Variants in AK4 observed in about 807,000 individuals in gnomAD.
AK4 encodes the protein adenylate kinase 4.
A neutral mutation model predicts 24.6 loss-of-function variants in AK4; 13 were observed. That is an observed-to-expected ratio of 0.53 (90% CI 0.34 to 0.84). The LOEUF is 0.84. AK4 is among the 40% of genes least tolerant of loss of function. AK4 has a pLI of 0.01. For missense variants in AK4, 192 were observed against 288.2 expected, an observed-to-expected ratio of 0.67 and a Z score of 2.42; for synonymous variants, 88 against 107.0, an observed-to-expected ratio of 0.82 and a Z score of 1.10.
At chr1:65,185,873 C>A (rs1322633294) in intron 1 of AK4, among the ~76,000 whole-genome samples, 1 of 152,056 alleles carries the variant, frequency 6.6e-6, no homozygotes, top group East Asian at 1.9e-4. Flanking sequence ...CCTTGGCCTC[C>A]CAAAGTGCTG....
chr1:65,199,877 C>T (rs1651610341), intron 2 of AK4, among the ~76,000 whole-genome samples: 1 of 152,158 alleles, frequency 6.6e-6, no homozygotes, highest in Admixed American at 6.5e-5. Context: ...ATCAAGTTGG[C>T]ACTCAAAATT....
chr1:65,168,318 G>A (rs564860207), intron 1 of AK4, among the ~76,000 whole-genome samples: 3 of 151,992 alleles, frequency 2.0e-5, no homozygotes, highest in Admixed American at 2.0e-4. Context: ...AGCTAATTTT[G>A]TATTTTTAGT....
intron 2 of AK4, among the ~76,000 whole-genome samples, chr1:65,203,849 T>C (rs886933088): frequency 2.0e-5 from 3 of 152,010 alleles, no homozygotes; most frequent in South Asian, 4.2e-4. Context: ...CCTTGTGTAG[T>C]AATGTAAAAC....
intron 1 of AK4, among the ~76,000 whole-genome samples, chr1:65,157,759 A>G (rs986840121): frequency 1.3e-5 from 2 of 152,090 alleles, no homozygotes; most frequent in African/African-American, 4.8e-5. Flanking sequence ...ACTGCACTCC[A>G]GCCTGGGCAA....
chr1:65,191,248 C>T (rs559887329), intron 2 of AK4, among the ~76,000 whole-genome samples: 3 of 152,256 alleles, frequency 2.0e-5, no homozygotes, highest in South Asian at 2.1e-4. Flanking sequence ...GAAACAAATA[C>T]TGTTGAAAGT....
In AK4 at chr1:65,161,552, A is replaced by C. The variant is rs569694143; in HGVS notation, c.145+13000A>C. ...ATTTCTACTCTCATTGCTTCCATGA[A>C]GCCTTTCCACACCTGTTGCAGCTAC... On this transcript the variant is annotated intron_variant, in intron 1 of 4. Transcript: ENST00000327299. 2.0e-5 allele frequency among the ~76,000 whole-genome samples: 3 copies of C among 152,274 alleles called. No homozygotes were observed. In the East Asian group the frequency reaches 5.8e-4, roughly 29 times the overall value.
rs1652461818 is a variant in AK4, at chr1:65,226,346, C to T, written c.*169C>T. The T allele has an allele frequency of 2.3e-6, 2 of 859,936 alleles. No homozygotes were observed. The highest frequency in any genetic ancestry group is 2.7e-5 in the East Asian group (1 of 36,564). The allele number at this position is 859,936 out of a possible 1,614,324, so 53.3% of individuals were successfully genotyped here. A position where few individuals can be genotyped will look rare whatever the true frequency, so the allele number is the denominator to read the frequency against. ...TGAGTAGAAAGAGTTCATGAAGAGG[C>T]CCTCCTCTGCCTTTCAAAAGGCTGG... On this transcript the variant is annotated 3_prime_UTR_variant, in exon 5 of 5. Transcript: ENST00000327299.
At chr1:65,156,139 T>G (rs528054623) in intron 1 of AK4, among the ~76,000 whole-genome samples, 1 of 152,350 alleles carries the variant, frequency 6.6e-6, no homozygotes, top group African/African-American at 2.4e-5. Context: ...TAATTTGTTA[T>G]TCCATTTTTA....
At chr1:65,153,521 T>G (rs1649869972) in intron 1 of AK4, among the ~76,000 whole-genome samples, 1 of 152,166 alleles carries the variant, frequency 6.6e-6, no homozygotes, top group Non-Finnish European at 1.5e-5. Context: ...TCTGCCCGCC[T>G]CGGCCTCCCA....
At chr1:65,221,250 A>T (rs1002221389) in intron 3 of AK4, among the ~76,000 whole-genome samples, 3 of 152,174 alleles carry the variant, frequency 2.0e-5, no homozygotes, top group Non-Finnish European at 4.4e-5. Context: ...TGTTATTCAA[A>T]TGTGGAATAC....
chr1:65,210,174 A>G (rs10889527), intron 2 of AK4, among the ~76,000 whole-genome samples: 55,482 of 151,900 alleles, frequency 0.37, 10,489 homozygotes, highest in East Asian at 0.67. Context: ...CTTATGTCTA[A>G]CCAGAGTGAG....
intron 1 of AK4, among the ~76,000 whole-genome samples, chr1:65,185,042 G>T (rs778536615): frequency 6.6e-6 from 1 of 152,150 alleles, no homozygotes; most frequent in Non-Finnish European, 1.5e-5. Flanking sequence ...TTTAAACTTG[G>T]GGTCGTACTG....
rs1289730169 is a variant in AK4 at position 65,226,153 on chromosome 1, T to C, written c.648T>C (p.Pro216=). The change falls in exon 5 of 5, where the codon CCT becomes CCC. Residue 216 remains proline (P), a synonymous_variant. Transcript: ENST00000327299. Reference sequence around the variant, plus strand: ...CACTTTTCTCAAACAAGATCACACCTATTCAGTCCAAAGAAGCATATTGAC... The same window carrying C: ...CACTTTTCTCAAACAAGATCACACCCATTCAGTCCAAAGAAGCATATTGAC... ...VYTLFSNKIT[P]IQSKEAY 6 of 1,609,682 alleles carry C rather than the reference T, an allele frequency of 3.7e-6. No individual in the cohort carries two copies. Among genetic ancestry groups the C allele is most frequent in the Non-Finnish European group, 5.1e-6 (6 of 1,178,588 alleles).
intron 1 of AK4, among the ~76,000 whole-genome samples, chr1:65,150,265 C>T (rs1368090766): frequency 1.6e-5 from 2 of 123,218 alleles, no homozygotes; most frequent in Non-Finnish European, 3.2e-5. Context: ...TTCCCTTGTT[C>T]TCTCTTTCTC....
At chr1:65,224,619 C>T in intron 3 of AK4, 133 bp from the exon 4 acceptor site, 1 of 675,956 alleles carries the variant, frequency 1.5e-6, no homozygotes, top group South Asian at 1.8e-5. Flanking sequence ...CTTAAAATTA[C>T]CACTGTCACC....
In AK4 at chr1:65,227,302, CTG is replaced by C. The variant is rs1652495818; in HGVS notation, c.*1128_*1129del. 6.7e-6 allele frequency: 1 copy of C among 148,732 alleles called. No homozygotes were observed. Among genetic ancestry groups the C allele is most frequent in the Non-Finnish European group, 1.5e-5 (1 of 67,062 alleles). The allele number at this position is 148,732 out of a possible 1,614,324, so 9.2% of individuals were successfully genotyped here. A position where few individuals can be genotyped will look rare whatever the true frequency, so the allele number is the denominator to read the frequency against. On this transcript the variant is annotated 3_prime_UTR_variant, in exon 5 of 5. Transcript: ENST00000327299. ...AAATATGTGGTAAAGGGAATGGAGCCTGTGGGGTTGAGCAGAATGTTGTACTA... is the reference window on the plus strand; with the variant it reads ...AAATATGTGGTAAAGGGAATGGAGCCTGGGGTTGAGCAGAATGTTGTACTA...
At chr1:65,173,330 C>T (rs1047611239) in intron 1 of AK4, among the ~76,000 whole-genome samples, 1 of 152,162 alleles carries the variant, frequency 6.6e-6, no homozygotes, top group African/African-American at 2.4e-5. Context: ...ACAGAGTTAA[C>T]ATACAGCAGA....
chr1:65,207,098 A>C (rs1297879764), intron 2 of AK4, among the ~76,000 whole-genome samples: 2 of 152,220 alleles, frequency 1.3e-5, no homozygotes, highest in Non-Finnish European at 2.9e-5. Flanking sequence ...CTTGTGGTTT[A>C]AAACCAAATT....
intron 1 of AK4, among the ~76,000 whole-genome samples, chr1:65,150,037 T>C (rs190180246): frequency 4.7e-4 from 72 of 152,278 alleles, no homozygotes; most frequent in African/African-American, 1.6e-3. Context: ...CATTCCATAA[T>C]TCTCTGTACC....
Sources: gnomAD v4.1 joint callset for allele counts (sites outside exome capture counted in the v4.1 genomes callset) on GRCh38, gnomAD v4.1.1 for gene constraint, MANE v1.5 for transcripts, NCBI Gene and HGNC (gene_info 2026-07-23, HGNC 2026-07-21) for gene names.